The following PRIMPOL variants were observed in gnomAD, a reference collection of about 807,000 sequenced individuals.
The protein encoded by PRIMPOL is primase and DNA directed polymerase.
Under a neutral mutation model 63.6 loss-of-function variants are expected in PRIMPOL, and 54 were observed. That is an observed-to-expected ratio of 0.85 (90% CI 0.68 to 1.07). PRIMPOL has a LOEUF of 1.07. PRIMPOL is among the 50% of genes least tolerant of loss of function. The probability of loss-of-function intolerance (pLI) is 0.00; values close to 1 mark genes in which losing one functional copy is unlikely to be tolerated. For synonymous variants in PRIMPOL, 197 were observed against 220.2 expected (o/e 0.89, Z 0.93); for missense variants, 610 against 648.3 (o/e 0.94, Z 0.64).
chr4:184,655,828 T>G (rs529513167), intron 2 of PRIMPOL, among the ~76,000 whole-genome samples: 1 of 152,332 alleles, frequency 6.6e-6, no homozygotes, highest in East Asian at 1.9e-4. Context: ...CCAATATATC[T>G]GTTTTCCACA....
chr4:184,663,715 A>G (rs1248012905), intron 5 of PRIMPOL, among the ~76,000 whole-genome samples: 1 of 152,254 alleles, frequency 6.6e-6, no homozygotes, highest in Non-Finnish European at 1.5e-5. Context: ...GTTCAAAATT[A>G]TACAGCATTT....
intron 11 of PRIMPOL, among the ~76,000 whole-genome samples, chr4:184,686,920 G>T (rs746881683): frequency 1.2e-4 from 18 of 152,300 alleles, no homozygotes; most frequent in Middle Eastern, 6.8e-3. Flanking sequence ...GCAGCTATCA[G>T]TTGACGTTTC....
chr4:184,693,076 C>A (rs1006955733), intron 13 of PRIMPOL, among the ~76,000 whole-genome samples: 3 of 152,116 alleles, frequency 2.0e-5, no homozygotes, highest in Non-Finnish European at 4.4e-5. Flanking sequence ...CTGCTACAAG[C>A]AGAACAGGTG....
At position 184,689,706 on chromosome 4, in the gene PRIMPOL, G is replaced by A. The variant is rs568416060; in HGVS notation, c.1296-1793G>A. On this transcript the variant is annotated intron_variant, in intron 11 of 13. Transcript: ENST00000314970. ...CCTGACCTTGTGATCCACCCACCTC[G>A]GCCTCCCAAAGTGCTGGGATTACAG... 7.2e-5 allele frequency among the ~76,000 whole-genome samples: 11 copies of A among 151,814 alleles called. No individual in the cohort carries two copies. In the East Asian group the frequency reaches 9.7e-4, roughly 13 times the overall value.
At chr4:184,686,542 G>A (rs1757018609) in intron 11 of PRIMPOL, among the ~76,000 whole-genome samples, 1 of 152,016 alleles carries the variant, frequency 6.6e-6, no homozygotes, top group Non-Finnish European at 1.5e-5. Flanking sequence ...GGGAAGAGGA[G>A]GGAAAGTAAA....
chr4:184,694,945 G>T lies in PRIMPOL; in HGVS notation c.*166G>T. ...ACCAATTTCATTAAAAATTAGCTTT[G>T]GTGTAAATTCAGGAGAAATCGCCTT... is the stretch of plus-strand genomic sequence containing the variant. On this transcript the variant is annotated 3_prime_UTR_variant, in exon 14 of 14. Coordinates refer to ENST00000314970, the MANE Select transcript of PRIMPOL (RefSeq NM_152683.4). The T allele has an allele frequency of 1.7e-6, 1 of 595,474 alleles. No homozygotes were observed. Among genetic ancestry groups the T allele is most frequent in the Non-Finnish European group, 2.9e-6 (1 of 350,212 alleles). 36.9% of individuals were successfully genotyped at this position (595,474 alleles called of 1,614,324 possible).
intron 5 of PRIMPOL, among the ~76,000 whole-genome samples, chr4:184,664,322 G>A (rs1438752057): frequency 6.6e-6 from 1 of 152,248 alleles, no homozygotes; most frequent in Non-Finnish European, 1.5e-5. Context: ...CAAGTGGTAA[G>A]TCAAAGAGAC....
intron 1 of PRIMPOL, among the ~76,000 whole-genome samples, chr4:184,651,290 C>CAAAAAAAAAAAAA (rs1203681677): frequency 1.4e-5 from 2 of 143,926 alleles, no homozygotes; most frequent in African/African-American, 5.7e-5. Context: ...GACTCTGTCT[C>CAAAAAAAAAAAAA]AAAAAAAAGA....
chr4:184,650,264 G>A (rs1486021033), intron 1 of PRIMPOL, among the ~76,000 whole-genome samples: 1 of 152,202 alleles, frequency 6.6e-6, no homozygotes, highest in East Asian at 1.9e-4. Context: ...AACATCATGA[G>A]GAAAAAGAGA....
At chr4:184,658,765 G>A (rs1036631429) in intron 3 of PRIMPOL, among the ~76,000 whole-genome samples, 3 of 151,886 alleles carry the variant, frequency 2.0e-5, no homozygotes, top group Non-Finnish European at 4.4e-5. Flanking sequence ...AAAATTAATC[G>A]GGCGTGGTGG....
At chr4:184,650,365 G>A (rs1232316221) in intron 1 of PRIMPOL, among the ~76,000 whole-genome samples, 4 of 152,242 alleles carry the variant, frequency 2.6e-5, no homozygotes, top group Non-Finnish European at 5.9e-5. Flanking sequence ...TGCAAAGACG[G>A]CGTCAATTAA....
intron 2 of PRIMPOL, among the ~76,000 whole-genome samples, chr4:184,653,290 G>A (rs1006586500): frequency 1.3e-5 from 2 of 152,084 alleles, no homozygotes; most frequent in African/African-American, 2.4e-5. Context: ...GGGCATAAAC[G>A]CAGGGAAGCT....
intron 5 of PRIMPOL, among the ~76,000 whole-genome samples, chr4:184,665,304 C>G (rs183504677): frequency 6.6e-6 from 1 of 152,232 alleles, no homozygotes; most frequent in East Asian, 1.9e-4. Flanking sequence ...AGCCATAGAG[C>G]TGGCAGATGG....
chr4:184,691,290 A>G (rs146214960), intron 11 of PRIMPOL: 11,212 of 479,970 alleles, frequency 0.023, 197 homozygotes, highest in Middle Eastern at 0.032. Flanking sequence ...GGGAACTTTC[A>G]TCAGTATCTA....
In PRIMPOL at chr4:184,694,679, A is replaced by G. The variant is rs1193073733; in HGVS notation, c.1583A>G (p.Asp528Gly). 1 of 1,614,038 alleles carries G rather than the reference A, an allele frequency of 6.2e-7. No homozygotes were observed. Among genetic ancestry groups the G allele is most frequent in the Admixed American group, 1.7e-5 (1 of 60,010 alleles). The change falls in exon 14 of 14, where the codon GAT (aspartate) becomes GGT (glycine). Residue 528 changes from aspartate to glycine, a missense_variant. Asp to Gly is a moderately conservative substitution (Grantham distance 94). This residue lies in a region of PRIMPOL where 444 missense variants were observed against 456.4 expected (regional missense o/e 0.97). Transcript: ENST00000314970. Reference sequence around the variant, plus strand: ...GCTTATTTTTTAGAAGCTACTGAAGATGCTGAATTAGCTGAAGCTGCAGAG... The same window carrying G: ...GCTTATTTTTTAGAAGCTACTGAAGGTGCTGAATTAGCTGAAGCTGCAGAG... ...DDAYFLEATEDAELAEAAENS... is the reference protein window; with the variant it reads ...DDAYFLEATEGAELAEAAENS...
intron 5 of PRIMPOL, among the ~76,000 whole-genome samples, chr4:184,664,998 TA>T (rs1407631799): frequency 2.0e-5 from 3 of 152,192 alleles, no homozygotes; most frequent in Middle Eastern, 3.2e-3. Flanking sequence ...AAAATATCAT[TA>T]AAAATACAGT....
At position 184,657,070 on chromosome 4, in the gene PRIMPOL, TG is replaced by T. The variant is rs1746658184; in HGVS notation, c.-59-11del. ...AGAAATTAATGGCCTTTTTGTTTGT[TG>T]TTTGTTTTAGTAGTAATTGATAGAA... On this transcript the variant is annotated splice_polypyrimidine_tract_variant and intron_variant, in intron 2 of 13. Coordinates refer to ENST00000314970, the MANE Select transcript of PRIMPOL (RefSeq NM_152683.4). 7.8e-6 allele frequency: 9 copies of T among 1,156,750 alleles called. 1 individual carries two copies. The South Asian group carries it at 9.5e-5, about 12-fold the overall frequency. 71.7% of individuals were successfully genotyped at this position (1,156,750 alleles called of 1,614,324 possible). A position where few individuals can be genotyped will look rare whatever the true frequency, so the allele number is the denominator to read the frequency against.
intron 3 of PRIMPOL, 78 bp from the exon 4 acceptor site, chr4:184,659,262 A>T (rs900632596): frequency 2.0e-6 from 2 of 1,016,344 alleles, no homozygotes; most frequent in Non-Finnish European, 3.0e-6. Context: ...AAAATTCTTT[A>T]TGAACATTCA....
At chr4:184,691,346 T>C (rs1036474081) in intron 11 of PRIMPOL, 153 bp from the exon 12 acceptor site, 2 of 538,032 alleles carry the variant, frequency 3.7e-6, no homozygotes, top group African/African-American at 3.9e-5. Context: ...GCAACCACCG[T>C]TTTGATTGGT....
Sources: allele counts gnomAD v4.1 joint callset (sites outside exome capture counted in the v4.1 genomes callset), GRCh38; gene constraint gnomAD v4.1.1; regional missense constraint gnomAD v4.1.1; transcripts MANE v1.5; gene names NCBI Gene and HGNC (gene_info 2026-07-23, HGNC 2026-07-21).